Variants in METTL6 observed in about 807,000 individuals in gnomAD.
METTL6 encodes the protein methyltransferase 6, tRNA N3-cytidine.
Under a neutral mutation model 26.4 loss-of-function variants are expected in METTL6, and 22 were observed. The ratio of observed to expected loss-of-function variants is 0.83; its 90% CI spans 0.59 to 1.19. The LOEUF (loss-of-function observed/expected upper bound fraction) is 1.19, where lower values mean the gene tolerates loss of function less well. METTL6 is among the 50% of genes most tolerant of loss of function. METTL6 has a pLI of 0.00. For missense variants in METTL6, 304 were observed against 324.8 expected (o/e 0.94, Z 0.49); for synonymous variants, 109 against 116.2 (o/e 0.94, Z 0.40).
chr3:15,416,478 C>T lies in METTL6; in HGVS notation c.361-536G>A, dbSNP rs376713284. On this transcript the variant is annotated intron_variant, in intron 3 of 5. Coordinates refer to ENST00000383790, the MANE Select transcript of METTL6 (RefSeq NM_152396.4). Reference sequence around the variant, plus strand: ...CTATGTTGTACAGGCTAGTCTTGAACTCCTGGCCTCAAGTGATCCTCCCAC... The same window carrying T: ...CTATGTTGTACAGGCTAGTCTTGAATTCCTGGCCTCAAGTGATCCTCCCAC... Among the ~76,000 whole-genome samples the T allele has an allele frequency of 2.4e-4, 36 of 152,260 alleles. 3 individuals carry two copies. Among genetic ancestry groups the T allele is most frequent in the Admixed American group, 1.2e-3 (18 of 15,292 alleles).
intron 6 of METTL6, among the ~76,000 whole-genome samples, chr3:15,397,400 G>C: frequency 6.6e-6 from 1 of 152,124 alleles, no homozygotes; most frequent in East Asian, 1.9e-4. Context: ...TCCTTGGCTA[G>C]GAAAGGGAAT....
chr3:15,393,997 T>C (rs1699418619), intron 6 of METTL6, among the ~76,000 whole-genome samples: 2 of 152,236 alleles, frequency 1.3e-5, no homozygotes. Flanking sequence ...GGTATCAGGA[T>C]GATGCTGGCC....
chr3:15,421,599 C>T (rs532084640), intron 3 of METTL6, among the ~76,000 whole-genome samples: 41 of 152,248 alleles, frequency 2.7e-4, no homozygotes, highest in African/African-American at 9.6e-4. Flanking sequence ...CAGCTGCACA[C>T]GCCACCACAC....
At chr3:15,401,885 T>C (rs1699656994) in intron 6 of METTL6, among the ~76,000 whole-genome samples, 1 of 152,176 alleles carries the variant, frequency 6.6e-6, no homozygotes. Context: ...TAACTATAAG[T>C]ATACTCAGTG....
intron 6 of METTL6, among the ~76,000 whole-genome samples, chr3:15,389,522 C>T (rs1371252874): frequency 6.6e-6 from 1 of 152,020 alleles, no homozygotes; most frequent in Non-Finnish European, 1.5e-5. Context: ...GTTGCCTTGC[C>T]TGTACTCCTC....
At chr3:15,416,243 GC>G (rs760773929) in intron 3 of METTL6, among the ~76,000 whole-genome samples, 14 of 151,992 alleles carry the variant, frequency 9.2e-5, no homozygotes, top group African/African-American at 2.9e-4. Flanking sequence ...TCCAAAACTG[GC>G]CTCTGCTTCT....
intron 6 of METTL6, among the ~76,000 whole-genome samples, chr3:15,393,005 TTAAAG>T (rs1261435057): frequency 2.0e-5 from 3 of 152,192 alleles, no homozygotes; most frequent in African/African-American, 4.8e-5. Flanking sequence ...CATATGAACT[TTAAAG>T]TATTTTTTTC....
At chr3:15,389,909 G>T (rs1187903992) in intron 6 of METTL6, among the ~76,000 whole-genome samples, 1 of 148,854 alleles carries the variant, frequency 6.7e-6, no homozygotes, top group Non-Finnish European at 1.5e-5. Flanking sequence ...AGGCTAGAGA[G>T]CAGTGAAATT....
chr3:15,408,562 CTTTTTTT>C (rs57787117), downstream of METTL6, among the ~76,000 whole-genome samples: 11 of 116,230 alleles, frequency 9.5e-5, no homozygotes, highest in South Asian at 2.9e-3. Flanking sequence ...GCTCCTTGCT[CTTTTTTT>C]TTTTTTTTTT....
downstream of METTL6, among the ~76,000 whole-genome samples, chr3:15,407,869 G>C (rs1408814705): frequency 6.6e-6 from 1 of 152,148 alleles, no homozygotes; most frequent in Non-Finnish European, 1.5e-5. Flanking sequence ...AGAGGGAAAG[G>C]TTCCTTAGAT....
intron 3 of METTL6, among the ~76,000 whole-genome samples, chr3:15,417,026 G>A (rs775064154): frequency 6.6e-6 from 1 of 152,136 alleles, no homozygotes; most frequent in Non-Finnish European, 1.5e-5. Context: ...TGAACAATGA[G>A]GTAGGTATGG....
intron 3 of METTL6, among the ~76,000 whole-genome samples, chr3:15,417,181 G>A (rs1037116205): frequency 6.6e-6 from 1 of 152,128 alleles, no homozygotes; most frequent in Non-Finnish European, 1.5e-5. Flanking sequence ...AATAGGCCAG[G>A]TGCGGTGGCT....
intron 6 of METTL6, among the ~76,000 whole-genome samples, chr3:15,394,363 T>C (rs1237827241): frequency 2.6e-5 from 4 of 152,250 alleles, no homozygotes; most frequent in Non-Finnish European, 4.4e-5. Flanking sequence ...TCATTTTTTA[T>C]TGCATCTATT....
chr3:15,394,714 T>C (rs1197021374), intron 6 of METTL6, among the ~76,000 whole-genome samples: 5 of 152,254 alleles, frequency 3.3e-5, no homozygotes. Flanking sequence ...TTCTCGTTGG[T>C]TTCAAAGAAC....
intron 6 of METTL6, among the ~76,000 whole-genome samples, chr3:15,397,614 G>C (rs908154717): frequency 6.6e-6 from 1 of 152,096 alleles, no homozygotes; most frequent in African/African-American, 2.4e-5. Flanking sequence ...TTCCTATTCG[G>C]CCATCTTCAC....
chr3:15,399,324 T>C (rs901423628), intron 6 of METTL6: 9 of 151,446 alleles, frequency 5.9e-5, no homozygotes, highest in Middle Eastern at 3.4e-3. Flanking sequence ...GCCTACAGAG[T>C]AGCCATTCTT....
At chr3:15,387,756 G>A (rs1699236003) in intron 6 of METTL6, among the ~76,000 whole-genome samples, 1 of 152,126 alleles carries the variant, frequency 6.6e-6, no homozygotes, top group Non-Finnish European at 1.5e-5. Flanking sequence ...CGATTGCTAG[G>A]GAGAATGAAT....
chr3:15,413,691 T>C, intron 5 of METTL6: 1 of 1,238,850 alleles, frequency 8.1e-7, no homozygotes. Flanking sequence ...TTTGCTTTAT[T>C]TTTAACTGGA....
chr3:15,402,504 C>T (rs959985988), intron 6 of METTL6, among the ~76,000 whole-genome samples: 30 of 152,122 alleles, frequency 2.0e-4, no homozygotes, highest in African/African-American at 6.3e-4. Flanking sequence ...GAAGCTGAGG[C>T]GGGCAGATCA....
Sources: gnomAD v4.1 joint callset for allele counts (sites outside exome capture counted in the v4.1 genomes callset) on GRCh38, gnomAD v4.1.1 for gene constraint, MANE v1.5 for transcripts, NCBI Gene and HGNC (gene_info 2026-07-23, HGNC 2026-07-21) for gene names.